GRIK4: variants seen among roughly 807,000 people sequenced by gnomAD.
GRIK4 encodes glutamate receptor ionotropic, kainate 4.
In GRIK4, 40 loss-of-function variants were observed where a neutral mutation model predicts 104.9. The ratio of observed to expected loss-of-function variants is 0.38; its 90% CI spans 0.30 to 0.50. GRIK4 has a LOEUF of 0.50. GRIK4 is among the 20% of genes least tolerant of loss of function. GRIK4 has a pLI of 0.93. For synonymous variants in GRIK4, 485 were observed against 524.9 expected (o/e 0.92, Z 1.04); for missense variants, 1,047 against 1,308.1 (o/e 0.80, Z 3.08).
At chr11:120,657,318 T>C (rs918835620) in intron 2 of GRIK4, among the ~76,000 whole-genome samples, 2 of 152,162 alleles carry the variant, frequency 1.3e-5, no homozygotes, top group African/African-American at 2.4e-5. Flanking sequence ...ATGTCTAGCT[T>C]CTCCTAAGAC....
chr11:120,961,368 A>G (rs576066480), intron 17 of GRIK4, among the ~76,000 whole-genome samples: 1 of 152,216 alleles, frequency 6.6e-6, no homozygotes, highest in African/African-American at 2.4e-5. Context: ...GTTTATATTA[A>G]TGGCCATTAG....
chr11:120,830,249 G>A (rs1191626951), intron 6 of GRIK4, among the ~76,000 whole-genome samples: 2 of 151,322 alleles, frequency 1.3e-5, no homozygotes, highest in African/African-American at 4.9e-5. Flanking sequence ...TAATCCCTGA[G>A]ACACGTGTCT....
chr11:120,952,015 C>T lies in GRIK4; in HGVS notation c.1591-840C>T, dbSNP rs548497886. On this transcript the variant is annotated intron_variant, in intron 14 of 20. Coordinates refer to ENST00000527524, the MANE Select transcript of GRIK4 (RefSeq NM_014619.5). This position sits in a 1 kb window ranked among gnomAD's most constrained non-coding sequence, Gnocchi z 5.2. The stretch of plus-strand genomic sequence containing the variant: ...AGGGGTGGGAACTTGCCTGAGACCA[C>T]ACGGCTAAAGACTTGGAGCAGATGA... Among the ~76,000 whole-genome samples, 1 of 152,230 alleles carries T rather than the reference C, an allele frequency of 6.6e-6. No individual in the cohort carries two copies. Among genetic ancestry groups the T allele is most frequent in the Non-Finnish European group, 1.5e-5 (1 of 68,040 alleles).
In GRIK4 at chr11:120,620,066, G is replaced by T. The variant is rs1414956132; in HGVS notation, c.-158-33619G>T. 7.5e-6 allele frequency: 5 copies of T among 668,120 alleles called. No individual in the cohort carries two copies. The East Asian group carries it at 1.3e-4, about 17-fold the overall frequency. 41.4% of individuals were successfully genotyped at this position (668,120 alleles called of 1,614,324 possible). ...TACGTGCATACTTTTGATAGCACATGTGAAGGTACCTCTCTAAAACTGGCC... is the reference window on the plus strand; with the variant it reads ...TACGTGCATACTTTTGATAGCACATTTGAAGGTACCTCTCTAAAACTGGCC... On this transcript the variant is annotated intron_variant, in intron 1 of 20. Coordinates refer to ENST00000527524, the MANE Select transcript of GRIK4 (RefSeq NM_014619.5).
intron 1 of GRIK4, among the ~76,000 whole-genome samples, chr11:120,522,299 A>G (rs767457426): frequency 6.6e-6 from 1 of 152,166 alleles, no homozygotes; most frequent in Non-Finnish European, 1.5e-5. Context: ...ACTGAGCCAA[A>G]TTGATTTCCC....
intron 1 of GRIK4, among the ~76,000 whole-genome samples, chr11:120,562,921 G>A (rs1056489409): frequency 1.3e-5 from 2 of 152,226 alleles, no homozygotes; most frequent in Admixed American, 6.5e-5. Flanking sequence ...TCTTCTGCAG[G>A]GTCCAGCTGC....
chr11:120,681,625 T>G (rs1306689992), intron 3 of GRIK4, among the ~76,000 whole-genome samples: 2 of 152,210 alleles, frequency 1.3e-5, no homozygotes, highest in African/African-American at 4.8e-5. Flanking sequence ...GGCCTGATTT[T>G]GGAGAGGGAG....
Position 120,772,159 on chromosome 11 carries a change from G to A in GRIK4, c.83-30534G>A, listed in dbSNP as rs184652954. Among the ~76,000 whole-genome samples, 3 of 152,304 alleles carry A rather than the reference G, an allele frequency of 2.0e-5. No individual in the cohort carries two copies. In the South Asian group the frequency reaches 6.2e-4, roughly 32 times the overall value. On this transcript the variant is annotated intron_variant, in intron 3 of 20. Coordinates refer to ENST00000527524, the MANE Select transcript of GRIK4 (RefSeq NM_014619.5). ...GGAACTCTGCCCTAACAGGTCTAGC[G>A]GCCAGAGCCTTGAGTCAGAAGATTA...
At chr11:120,845,637 C>T (rs1158914105) in intron 8 of GRIK4, among the ~76,000 whole-genome samples, 1 of 149,550 alleles carries the variant, frequency 6.7e-6, no homozygotes, top group Non-Finnish European at 1.5e-5. Context: ...ACACACATCC[C>T]TATGCACACT....
chr11:120,627,379 G>A (rs551005484), intron 1 of GRIK4, among the ~76,000 whole-genome samples: 1 of 152,228 alleles, frequency 6.6e-6, no homozygotes, highest in African/African-American at 2.4e-5. Context: ...TGGAAACCTG[G>A]CTTCTGGTCC....
intron 3 of GRIK4, among the ~76,000 whole-genome samples, chr11:120,758,888 T>G (rs988413375): frequency 2.0e-5 from 3 of 152,198 alleles, no homozygotes; most frequent in Non-Finnish European, 4.4e-5. Context: ...AGTCAGCACC[T>G]AATTGCCAGG....
chr11:120,835,624 G>A (rs1161557754), intron 7 of GRIK4, among the ~76,000 whole-genome samples: 1 of 152,194 alleles, frequency 6.6e-6, no homozygotes, highest in African/African-American at 2.4e-5. Flanking sequence ...AATCATCCTT[G>A]GTCTGGTTTC....
At chr11:120,845,621 A>G (rs189486501) in intron 8 of GRIK4, among the ~76,000 whole-genome samples, 1 of 151,192 alleles carries the variant, frequency 6.6e-6, no homozygotes, top group East Asian at 1.9e-4. Flanking sequence ...ACACATGAAC[A>G]TATACACACA....
intron 3 of GRIK4, among the ~76,000 whole-genome samples, chr11:120,730,550 G>T (rs1428969784): frequency 2.7e-5 from 4 of 150,680 alleles, no homozygotes; most frequent in Non-Finnish European, 5.9e-5. Flanking sequence ...GGCTATTCTG[G>T]GTCTTTTGTG....
chr11:120,636,613 C>T (rs576682687), intron 1 of GRIK4, among the ~76,000 whole-genome samples: 15 of 152,092 alleles, frequency 9.9e-5, no homozygotes, highest in African/African-American at 2.7e-4. Context: ...AGGCTCAGGC[C>T]GGTGGATCAT....
intron 3 of GRIK4, among the ~76,000 whole-genome samples, chr11:120,777,347 C>T (rs1161001996): frequency 1.3e-5 from 2 of 152,236 alleles, no homozygotes; most frequent in African/African-American, 4.8e-5. Context: ...TATCTTACAA[C>T]TTGGTTTAGC....
intron 1 of GRIK4, among the ~76,000 whole-genome samples, chr11:120,632,008 A>T (rs563539535): frequency 6.6e-6 from 1 of 152,278 alleles, no homozygotes; most frequent in Non-Finnish European, 1.5e-5. Flanking sequence ...AAGCTTCCTC[A>T]TCTGGAAATG....
intron 9 of GRIK4, chr11:120,872,613 T>A (rs1325654012): frequency 6.5e-6 from 1 of 153,258 alleles, no homozygotes; most frequent in Non-Finnish European, 1.5e-5. Context: ...TGAAGGAACT[T>A]GCCTTGTAAT....
intron 4 of GRIK4, 76 bp downstream of exon 4, chr11:120,802,933 C>T: frequency 1.6e-6 from 2 of 1,249,006 alleles, no homozygotes; most frequent in Non-Finnish European, 2.3e-6. Context: ...CTGCACCTAT[C>T]AGTCACCAGG....
Sources: gnomAD v4.1 joint callset for allele counts (sites outside exome capture counted in the v4.1 genomes callset) on GRCh38, gnomAD v4.1.1 for gene constraint, Gnocchi (gnomAD v3.1) non-coding constraint, MANE v1.5 for transcripts, NCBI Gene and HGNC (gene_info 2026-07-23, HGNC 2026-07-21) for gene names.